Variants in SMYD3 observed in about 807,000 individuals in gnomAD.
SMYD3 encodes the protein histone-lysine N-methyltransferase SMYD3.
SMYD3 carries 36 observed loss-of-function variants against 57.7 expected under a neutral mutation model. The ratio of observed to expected loss-of-function variants is 0.62; its 90% CI spans 0.48 to 0.82. The LOEUF (loss-of-function observed/expected upper bound fraction) is 0.82. SMYD3 is among the 40% of genes least tolerant of loss of function. The pLI, the probability that SMYD3 is intolerant of heterozygous loss-of-function variation, is 0.00. For synonymous variants in SMYD3, 211 were observed against 195.0 expected, an observed-to-expected ratio of 1.08 and a Z score of -0.68; for missense variants, 515 against 538.8, an observed-to-expected ratio of 0.96 and a Z score of 0.44.
chr1:245,896,284 T>C (rs905641574), intron 8 of SMYD3, among the ~76,000 whole-genome samples: 2 of 149,378 alleles, frequency 1.3e-5, no homozygotes, highest in Non-Finnish European at 3.0e-5. Flanking sequence ...AGACTTCCAA[T>C]CAAGATGCTG....
intron 10 of SMYD3, among the ~76,000 whole-genome samples, chr1:245,804,277 G>C (rs1343914994): frequency 2.0e-5 from 3 of 152,130 alleles, no homozygotes; most frequent in Non-Finnish European, 4.4e-5. Flanking sequence ...CACTGCCGTG[G>C]TCTGGATGTT....
chr1:246,312,491 T>G (rs2065096080), intron 5 of SMYD3, among the ~76,000 whole-genome samples: 2 of 151,992 alleles, frequency 1.3e-5, no homozygotes, highest in Admixed American at 6.6e-5. Context: ...ATACAGAAGT[T>G]TGGGGGAAGA....
intron 5 of SMYD3, among the ~76,000 whole-genome samples, chr1:246,251,272 G>T (rs1283333366): frequency 6.6e-6 from 1 of 152,184 alleles, no homozygotes; most frequent in African/African-American, 2.4e-5. Context: ...GAAAGCAGCT[G>T]GGTTGGCTTC....
At chr1:246,317,318 T>C (rs1160966313) in intron 5 of SMYD3, among the ~76,000 whole-genome samples, 1 of 152,236 alleles carries the variant, frequency 6.6e-6, no homozygotes, top group African/African-American at 2.4e-5. Context: ...CCGATCCTTT[T>C]TTAAGTAGAG....
At chr1:246,211,634 G>A (rs542506423) in intron 5 of SMYD3, among the ~76,000 whole-genome samples, 1 of 152,186 alleles carries the variant, frequency 6.6e-6, no homozygotes, top group East Asian at 1.9e-4. Context: ...CAAATAAAAG[G>A]GGGAAGAGGT....
chr1:245,931,902 C>G (rs1217216458), intron 5 of SMYD3, among the ~76,000 whole-genome samples: 11 of 152,018 alleles, frequency 7.2e-5, no homozygotes, highest in Admixed American at 7.2e-4. Context: ...AAATCAGGAG[C>G]AAAATTATAC....
At chr1:245,764,696 T>C (rs2045995641) in intron 10 of SMYD3, among the ~76,000 whole-genome samples, 1 of 152,144 alleles carries the variant, frequency 6.6e-6, no homozygotes, top group Non-Finnish European at 1.5e-5. Context: ...TGTGTATTTA[T>C]TTATCATCTC....
chr1:246,481,610 A>ATG (rs1558484476), intron 1 of SMYD3, among the ~76,000 whole-genome samples: 1 of 88,618 alleles, frequency 1.1e-5, no homozygotes, highest in Non-Finnish European at 2.0e-5. Context: ...ATATATATAC[A>ATG]CATACATATA....
At chr1:246,214,409 T>C (rs780906326) in intron 5 of SMYD3, among the ~76,000 whole-genome samples, 13 of 152,072 alleles carry the variant, frequency 8.5e-5, no homozygotes, top group Non-Finnish European at 1.9e-4. Flanking sequence ...TGAACAGAAC[T>C]GTCAATTAAC....
At chr1:246,211,598 G>A (rs890729855) in intron 5 of SMYD3, among the ~76,000 whole-genome samples, 1 of 152,074 alleles carries the variant, frequency 6.6e-6, no homozygotes, top group Non-Finnish European at 1.5e-5. Context: ...TTAGGAAAAA[G>A]GCAGAGAAAG....
At chr1:245,772,510 C>G (rs2046378453) in intron 10 of SMYD3, among the ~76,000 whole-genome samples, 1 of 151,936 alleles carries the variant, frequency 6.6e-6, no homozygotes, top group African/African-American at 2.4e-5. Flanking sequence ...AACAATTTAA[C>G]TAGTCAGCCA....
chr1:246,373,636 G>A (rs973307695), intron 1 of SMYD3, among the ~76,000 whole-genome samples: 1 of 152,010 alleles, frequency 6.6e-6, no homozygotes, highest in Non-Finnish European at 1.5e-5. Context: ...AAAAGAAACC[G>A]TTATTAAAAA....
At chr1:246,225,904 T>C (rs571921558) in intron 5 of SMYD3, among the ~76,000 whole-genome samples, 62 of 152,196 alleles carry the variant, frequency 4.1e-4, no homozygotes, top group Non-Finnish European at 7.4e-4. Context: ...AAGAACACAA[T>C]ACAAAAGATG....
At chr1:246,316,396 G>C (rs2065157685) in intron 5 of SMYD3, among the ~76,000 whole-genome samples, 3 of 133,102 alleles carry the variant, frequency 2.3e-5, no homozygotes, top group African/African-American at 8.6e-5. Flanking sequence ...TTTCACTCTT[G>C]TCGCCCAGGC....
intron 11 of SMYD3, among the ~76,000 whole-genome samples, chr1:245,753,943 A>G (rs1049039099): frequency 2.6e-5 from 4 of 152,166 alleles, no homozygotes; most frequent in African/African-American, 4.8e-5. Flanking sequence ...ATCTCTTTCC[A>G]TTAAATTTTA....
At chr1:245,804,889 A>T (rs916792368) in intron 10 of SMYD3, among the ~76,000 whole-genome samples, 2 of 152,152 alleles carry the variant, frequency 1.3e-5, no homozygotes, top group Non-Finnish European at 2.9e-5. Context: ...GTTGTTTATA[A>T]ATTACCCAGT....
At chr1:245,773,662 A>G (rs911806687) in intron 10 of SMYD3, among the ~76,000 whole-genome samples, 1 of 152,164 alleles carries the variant, frequency 6.6e-6, no homozygotes, top group Non-Finnish European at 1.5e-5. Flanking sequence ...TGACAGCACT[A>G]TTTTTTTAGA....
At chr1:246,023,807 C>CTG (rs201726897) in intron 5 of SMYD3, among the ~76,000 whole-genome samples, 9,475 of 139,508 alleles carry the variant, frequency 0.068, 341 homozygotes, top group South Asian at 0.08. Context: ...TATTACAAAA[C>CTG]TGTGTGTGTG....
At chr1:246,126,730 GT>G (rs2061515248) in intron 5 of SMYD3, among the ~76,000 whole-genome samples, 1 of 152,140 alleles carries the variant, frequency 6.6e-6, no homozygotes, top group African/African-American at 2.4e-5. Context: ...TCAGTTGAAT[GT>G]TGTTTTACTC....
Sources: allele counts gnomAD v4.1 joint callset (sites outside exome capture counted in the v4.1 genomes callset), GRCh38; gene constraint gnomAD v4.1.1; transcripts MANE v1.5; gene names NCBI Gene and HGNC (gene_info 2026-07-23, HGNC 2026-07-21).